RYR2: variants seen among roughly 807,000 people sequenced by gnomAD.
RYR2 encodes the protein cardiac muscle ryanodine receptor-calcium release channel.
A neutral mutation model predicts 601.1 loss-of-function variants in RYR2; 227 were observed. The ratio of observed to expected loss-of-function variants is 0.38; its 90% CI spans 0.34 to 0.42. The LOEUF (loss-of-function observed/expected upper bound fraction) is 0.42, where lower values mean the gene tolerates loss of function less well. Ranked by LOEUF, RYR2 falls within the 10% of genes least tolerant of loss-of-function variation. The pLI, the probability that RYR2 is intolerant of heterozygous loss-of-function variation, is 1.00. For missense variants in RYR2, 4,646 were observed against 6,156.5 expected (o/e 0.75, Z 8.21); for synonymous variants, 2,223 against 2,175.1 (o/e 1.02, Z -0.61).
chr1:237,237,216 C>A (rs1490740909), intron 1 of RYR2, among the ~76,000 whole-genome samples: 1 of 152,094 alleles, frequency 6.6e-6, no homozygotes, highest in African/African-American at 2.4e-5. Flanking sequence ...TCAGATATTT[C>A]TTTATAGTGG....
intron 82 of RYR2, among the ~76,000 whole-genome samples, 180 bp from the exon 83 acceptor site, chr1:237,759,596 C>T (rs188511503): frequency 1.9e-4 from 29 of 152,230 alleles, no homozygotes; most frequent in African/African-American, 1.4e-4. Flanking sequence ...TCCAAGTTTG[C>T]GTAACTATCT....
chr1:237,739,082 C>G (rs540302592), intron 79 of RYR2, among the ~76,000 whole-genome samples: 1 of 152,310 alleles, frequency 6.6e-6, no homozygotes, highest in East Asian at 1.9e-4. Context: ...TTACAAACAT[C>G]ACTTCTTTCT....
At chr1:237,101,289 T>C (rs1049712723) in intron 1 of RYR2, among the ~76,000 whole-genome samples, 9 of 131,834 alleles carry the variant, frequency 6.8e-5, no homozygotes, top group African/African-American at 2.2e-4. Flanking sequence ...AGTCACTACT[T>C]TTTAGAAGTT....
chr1:237,545,264 G>A (rs948978688), intron 25 of RYR2, among the ~76,000 whole-genome samples: 1 of 152,164 alleles, frequency 6.6e-6, no homozygotes, highest in Non-Finnish European at 1.5e-5. Context: ...ATCCAGCTTC[G>A]CACATTAGCA....
intron 1 of RYR2, among the ~76,000 whole-genome samples, chr1:237,228,242 T>C (rs751592234): frequency 1.3e-5 from 2 of 152,228 alleles, no homozygotes; most frequent in African/African-American, 4.8e-5. Context: ...TTTTTATTCC[T>C]GAGTTACTTC....
At chr1:237,765,540 G>A (rs1693784117) in intron 84 of RYR2, among the ~76,000 whole-genome samples, 1 of 152,154 alleles carries the variant, frequency 6.6e-6, no homozygotes, top group Non-Finnish European at 1.5e-5. Flanking sequence ...ATGTGAAGTT[G>A]AAGCAACACA....
At chr1:237,649,785 G>A (rs769223553) in intron 49 of RYR2, 92 bp from the exon 50 acceptor site, 89 of 1,024,928 alleles carry the variant, frequency 8.7e-5, no homozygotes, top group East Asian at 8.6e-4. Context: ...ATCATCTTCC[G>A]GATAGTGAAA....
chr1:237,671,823 T>C (rs925746371), intron 58 of RYR2, among the ~76,000 whole-genome samples: 1 of 152,040 alleles, frequency 6.6e-6, no homozygotes, highest in South Asian at 2.1e-4. Flanking sequence ...AAAAGTATGA[T>C]TAGTGCCCCC....
chr1:237,493,930 T>C (rs1663728428), intron 19 of RYR2, among the ~76,000 whole-genome samples: 1 of 152,210 alleles, frequency 6.6e-6, no homozygotes, highest in Non-Finnish European at 1.5e-5. Flanking sequence ...ACGTGTATTC[T>C]CTACTGTTTG....
intron 1 of RYR2, among the ~76,000 whole-genome samples, chr1:237,177,195 C>T (rs1287104233): frequency 6.6e-6 from 1 of 152,164 alleles, no homozygotes; most frequent in Non-Finnish European, 1.5e-5. Flanking sequence ...CTGGCTACTA[C>T]ACGATCAAGT....
chr1:237,403,880 G>A (rs535693931), intron 10 of RYR2, among the ~76,000 whole-genome samples: 8 of 152,174 alleles, frequency 5.3e-5, no homozygotes, highest in Non-Finnish European at 4.4e-5. Flanking sequence ...AGATAAATAC[G>A]AGAGTTAAAT....
chr1:237,678,451 A>C (rs1455500735), intron 61 of RYR2, among the ~76,000 whole-genome samples: 1 of 152,208 alleles, frequency 6.6e-6, no homozygotes, highest in African/African-American at 2.4e-5. Context: ...TCTAGTTGAG[A>C]ATTTCTTTTA....
intron 101 of RYR2, 141 bp from the exon 102 acceptor site, chr1:237,828,240 T>C (rs541279261): frequency 3.6e-6 from 2 of 560,624 alleles, no homozygotes; most frequent in Non-Finnish European, 6.5e-6. Flanking sequence ...CCTAGGAGTA[T>C]CGGATATGTA....
At chr1:237,668,857 GAA>G (rs1684558394) in intron 58 of RYR2, among the ~76,000 whole-genome samples, 1 of 152,180 alleles carries the variant, frequency 6.6e-6, no homozygotes, top group African/African-American at 2.4e-5. Context: ...GAGGAAAAGA[GAA>G]GATTCCACAT....
chr1:237,072,774 C>T (rs1385771972), intron 1 of RYR2, among the ~76,000 whole-genome samples: 1 of 151,874 alleles, frequency 6.6e-6, no homozygotes, highest in African/African-American at 2.4e-5. Context: ...TTGCGAAACC[C>T]CGACTCTACT....
In RYR2 at chr1:237,550,687, T is replaced by C; in HGVS notation, c.3210T>C (p.Asp1070=). 1.3e-6 allele frequency: 2 copies of C among 1,548,274 alleles called. No homozygotes were observed. Among genetic ancestry groups the C allele is most frequent in the Non-Finnish European group, 8.7e-7 (1 of 1,146,604 alleles). ...YGYNLEAPDQ[D]HAARAEVCSG... ...ACAACTTGGAAGCACCAGATCAAGA[T>C]CATGGTATTTTGGTTTTACTTTCCT... is the stretch of plus-strand genomic sequence containing the variant. The change falls in exon 27 of 105, where the codon GAT becomes GAC. Residue 1070 remains aspartate, a synonymous_variant. Coordinates refer to ENST00000366574, the MANE Select transcript of RYR2 (RefSeq NM_001035.3).
chr1:237,556,168 C>A (rs549171727), intron 27 of RYR2, among the ~76,000 whole-genome samples: 1 of 152,088 alleles, frequency 6.6e-6, no homozygotes, highest in East Asian at 1.9e-4. Context: ...TACCTACTTT[C>A]TTCTGAATTA....
At chr1:237,657,038 G>C (rs1185517919) in intron 53 of RYR2, among the ~76,000 whole-genome samples, 1 of 152,146 alleles carries the variant, frequency 6.6e-6, no homozygotes, top group East Asian at 1.9e-4. Context: ...CAATATCATG[G>C]TTTTGGTGTT....
At chr1:237,206,459 T>G (rs1048726268) in intron 1 of RYR2, among the ~76,000 whole-genome samples, 4 of 152,244 alleles carry the variant, frequency 2.6e-5, no homozygotes, top group African/African-American at 9.6e-5. Flanking sequence ...CAATAAAGAT[T>G]GTTGGATGTA....
Sources: gnomAD v4.1 joint callset for allele counts (sites outside exome capture counted in the v4.1 genomes callset) on GRCh38, gnomAD v4.1.1 for gene constraint, MANE v1.5 for transcripts, NCBI Gene and HGNC (gene_info 2026-07-23, HGNC 2026-07-21) for gene names.